The following KHDRBS2 variants were observed in gnomAD, a reference collection of about 807,000 sequenced individuals.
The protein encoded by KHDRBS2 is KH domain-containing, RNA-binding, signal transduction-associated protein 2.
A neutral mutation model predicts 44.3 loss-of-function variants in KHDRBS2; 26 were observed. The ratio of observed to expected loss-of-function variants is 0.59; its 90% CI spans 0.43 to 0.81. The LOEUF (loss-of-function observed/expected upper bound fraction) is 0.81. KHDRBS2 is among the 40% of genes least tolerant of loss of function. The pLI, the probability that KHDRBS2 is intolerant of heterozygous loss-of-function variation, is 0.00. For missense variants in KHDRBS2, 476 were observed against 433.1 expected (o/e 1.10, Z -0.88); for synonymous variants, 194 against 151.1 (o/e 1.28, Z -2.08).
chr6:62,169,206 T>G (rs1819477353), intron 2 of KHDRBS2, among the ~76,000 whole-genome samples: 1 of 147,978 alleles, frequency 6.8e-6, no homozygotes, highest in African/African-American at 2.5e-5. Flanking sequence ...TATATGTATA[T>G]ATATGTATAT....
intron 1 of KHDRBS2, among the ~76,000 whole-genome samples, chr6:62,241,591 G>A (rs1198866938): frequency 6.6e-6 from 1 of 151,944 alleles, no homozygotes; most frequent in Non-Finnish European, 1.5e-5. Context: ...GCACACCATC[G>A]TGGATAAGAG....
the KHDRBS2 span, among the ~76,000 whole-genome samples, chr6:61,577,009 G>T: frequency 1.3e-5 from 2 of 152,036 alleles, no homozygotes; most frequent in African/African-American, 4.8e-5. Flanking sequence ...CAGATGGGAG[G>T]ATAAGTCCAG....
intron 6 of KHDRBS2, among the ~76,000 whole-genome samples, chr6:61,734,004 A>ATACC (rs1186317849): frequency 6.6e-6 from 1 of 152,180 alleles, no homozygotes; most frequent in African/African-American, 2.4e-5. Context: ...TCAGCAGAAA[A>ATACC]TACCTACATG....
chr6:62,121,482 A>G (rs1562911564), intron 2 of KHDRBS2, among the ~76,000 whole-genome samples: 1 of 152,220 alleles, frequency 6.6e-6, no homozygotes, highest in Admixed American at 6.5e-5. Context: ...CTACTATACC[A>G]GATGTGGTTT....
intron 2 of KHDRBS2, among the ~76,000 whole-genome samples, chr6:62,050,335 A>G (rs1337874060): frequency 6.6e-6 from 1 of 151,802 alleles, no homozygotes; most frequent in Admixed American, 6.6e-5. Context: ...CCTAATGTAG[A>G]TGATGTGTTG....
chr6:62,197,513 T>C (rs575266957), intron 1 of KHDRBS2, among the ~76,000 whole-genome samples: 2 of 152,264 alleles, frequency 1.3e-5, no homozygotes, highest in South Asian at 4.1e-4. Context: ...TTATAAGACA[T>C]GCTATTTGCC....
chr6:61,725,640 C>T (rs144246584), intron 7 of KHDRBS2, among the ~76,000 whole-genome samples: 3,777 of 152,148 alleles, frequency 0.025, 75 homozygotes, highest in Middle Eastern at 0.082. Context: ...GAAATACAAA[C>T]GACCATCAGA....
chr6:62,232,261 T>A lies in KHDRBS2; in HGVS notation c.91+53597A>T, dbSNP rs371590273. ...CATGAAGGAAAGAATTCTGTTTTGC[T>A]GAGATCTGTATTCTCATTGCTCAAA... On this transcript the variant is annotated intron_variant, in intron 1 of 8. Coordinates refer to ENST00000281156, the MANE Select transcript of KHDRBS2 (RefSeq NM_152688.4). 5.9e-5 allele frequency among the ~76,000 whole-genome samples: 9 copies of A among 152,172 alleles called. No homozygotes were observed. The East Asian group carries it at 9.6e-4, about 16-fold the overall frequency.
chr6:61,987,581 C>A (rs1178711287), intron 3 of KHDRBS2, among the ~76,000 whole-genome samples: 2 of 152,116 alleles, frequency 1.3e-5, no homozygotes, highest in African/African-American at 4.8e-5. Context: ...ACAGCTTTTA[C>A]CATCAAGAAA....
chr6:61,591,065 C>T, the KHDRBS2 span, among the ~76,000 whole-genome samples: 1 of 152,242 alleles, frequency 6.6e-6, no homozygotes, highest in Non-Finnish European at 1.5e-5. Context: ...AGCCAGAACA[C>T]ATTTAAAATG....
At chr6:62,086,282 T>C (rs1168443869) in intron 2 of KHDRBS2, among the ~76,000 whole-genome samples, 3 of 152,222 alleles carry the variant, frequency 2.0e-5, no homozygotes, top group Middle Eastern at 3.4e-3. Flanking sequence ...TTCAAAGTGA[T>C]TGATTAATCC....
At chr6:61,558,613 T>A in the KHDRBS2 span, among the ~76,000 whole-genome samples, 1 of 152,174 alleles carries the variant, frequency 6.6e-6, no homozygotes. Context: ...TAGTATGTTG[T>A]GTTTCTATTA....
chr6:61,612,081 T>C, the KHDRBS2 span, among the ~76,000 whole-genome samples: 1 of 152,156 alleles, frequency 6.6e-6, no homozygotes, highest in Non-Finnish European at 1.5e-5. Flanking sequence ...GTCATGGCCA[T>C]ATGCAAAAAG....
chr6:61,725,597 A>G (rs936382186), intron 7 of KHDRBS2, among the ~76,000 whole-genome samples: 4 of 152,138 alleles, frequency 2.6e-5, no homozygotes, highest in African/African-American at 9.7e-5. Context: ...CACAATCAGA[A>G]ATGATAAGGG....
chr6:62,091,895 GTATTAAT>G (rs759665087), intron 2 of KHDRBS2, among the ~76,000 whole-genome samples: 3 of 152,172 alleles, frequency 2.0e-5, no homozygotes, highest in African/African-American at 4.8e-5. Flanking sequence ...TTCTCATTAC[GTATTAAT>G]TATTAATTAT....
At chr6:61,930,707 A>T (rs1192619040) in intron 4 of KHDRBS2, among the ~76,000 whole-genome samples, 1 of 146,534 alleles carries the variant, frequency 6.8e-6, no homozygotes, top group Admixed American at 7.0e-5. Flanking sequence ...AAAAAAAAAG[A>T]AAAAGAAAGA....
intron 2 of KHDRBS2, among the ~76,000 whole-genome samples, chr6:62,169,034 C>CATATATATATATATATATATATATAT (rs369570219): frequency 1.1e-4 from 8 of 72,568 alleles, no homozygotes; most frequent in African/African-American, 2.2e-4. Flanking sequence ...GTTCTCCAGT[C>CATATATATATATATATATATATATAT]ATATATATAT....
chr6:61,600,642 T>C, the KHDRBS2 span, among the ~76,000 whole-genome samples: 1 of 152,114 alleles, frequency 6.6e-6, no homozygotes, highest in East Asian at 1.9e-4. Context: ...TGAAATTTGG[T>C]GCCGAAGACC....
chr6:61,571,307 C>T, the KHDRBS2 span, among the ~76,000 whole-genome samples: 6 of 151,946 alleles, frequency 3.9e-5, no homozygotes, highest in Non-Finnish European at 7.4e-5. Context: ...ACAGCAACAA[C>T]TGTAAAAAAG....
Sources: gnomAD v4.1 joint callset for allele counts (sites outside exome capture counted in the v4.1 genomes callset) on GRCh38, gnomAD v4.1.1 for gene constraint, MANE v1.5 for transcripts, NCBI Gene and HGNC (gene_info 2026-07-23, HGNC 2026-07-21) for gene names.